The following MTCL1 variants were observed in gnomAD, a reference collection of about 807,000 sequenced individuals.
MTCL1 encodes microtubule cross-linking factor 1.
In MTCL1, 79 loss-of-function variants were observed where a neutral mutation model predicts 141.4. The ratio of observed to expected loss-of-function variants is 0.56; its 90% CI spans 0.47 to 0.67. The LOEUF is 0.67. Among genes scored for constraint, MTCL1 ranks in the 30% least tolerant of loss-of-function variants. MTCL1 has a pLI of 0.00. For synonymous variants in MTCL1, 914 were observed against 875.8 expected (o/e 1.04, Z -0.77); for missense variants, 2,177 against 2,113.9 (o/e 1.03, Z -0.59).
intron 4 of MTCL1, among the ~76,000 whole-genome samples, chr18:8,749,500 G>A (rs2096359297): frequency 6.6e-6 from 1 of 152,232 alleles, no homozygotes; most frequent in Non-Finnish European, 1.5e-5. Flanking sequence ...AAGGGAGAAT[G>A]ATATGGGCAG....
chr18:8,723,249 G>A (rs2096185097), intron 4 of MTCL1, among the ~76,000 whole-genome samples: 1 of 152,192 alleles, frequency 6.6e-6, no homozygotes, highest in African/African-American at 2.4e-5. Context: ...ATGATACAAG[G>A]TTCAAAGGTG....
At chr18:8,798,950 C>T (rs956972091) in intron 10 of MTCL1, among the ~76,000 whole-genome samples, 3 of 152,312 alleles carry the variant, frequency 2.0e-5, no homozygotes, top group Middle Eastern at 3.4e-3. Flanking sequence ...CCTGTGTTAA[C>T]GCTGTCTCGC....
exon 17 of MTCL1, chr18:8,831,867 A>G (rs1211545643): frequency 1.3e-6 from 2 of 1,523,756 alleles, no homozygotes; most frequent in Non-Finnish European, 1.8e-6. Flanking sequence ...ATCACCATGA[A>G]CAAAACTCTG....
At position 8,813,244 on chromosome 18, in the gene MTCL1, A is replaced by G; in HGVS notation, c.2859+11A>G. 6.2e-7 allele frequency: 1 copy of G among 1,608,210 alleles called. No homozygotes were observed. The highest frequency in any genetic ancestry group is 8.5e-7 in the Non-Finnish European group (1 of 1,177,340). On this transcript the variant is annotated intron_variant, in intron 12 of 16. Transcript: ENST00000359865. ...TGGAGGATAGAGCAGGTAAGGAGGCACCCCGGGGCCCTGGAGCATAGGCAC... is the reference window on the plus strand; with the variant it reads ...TGGAGGATAGAGCAGGTAAGGAGGCGCCCCGGGGCCCTGGAGCATAGGCAC...
chr18:8,734,755 C>T (rs943391034), intron 4 of MTCL1, among the ~76,000 whole-genome samples: 1 of 152,138 alleles, frequency 6.6e-6, no homozygotes, highest in African/African-American at 2.4e-5. Context: ...CCTGGCTGCA[C>T]GGTAGCATCC....
chr18:8,779,765 T>C lies in MTCL1; in HGVS notation c.417+1873T>C, dbSNP rs1417013660. Among the ~76,000 whole-genome samples, 6 of 152,322 alleles carry C rather than the reference T, an allele frequency of 3.9e-5. No individual in the cohort carries two copies. The highest frequency in any genetic ancestry group is 1.4e-4 in the African/African-American group (6 of 41,576). On this transcript the variant is annotated intron_variant, in intron 5 of 16. Coordinates refer to ENST00000359865, the Ensembl canonical transcript of MTCL1. This position sits in a 1 kb window ranked among gnomAD's most constrained non-coding sequence, Gnocchi z 4.1. ...TGCATGTGTGGTTGTTAAGTAGAAA[T>C]GACAGCATGCTGTCATGCTGACAGC...
intron 12 of MTCL1, among the ~76,000 whole-genome samples, chr18:8,817,288 G>A (rs1237959445): frequency 4.2e-5 from 5 of 119,618 alleles, no homozygotes; most frequent in African/African-American, 1.6e-4. Context: ...AAAGCAGTTA[G>A]CATCTTTAAG....
intron 4 of MTCL1, among the ~76,000 whole-genome samples, chr18:8,763,669 T>C (rs1034631560): frequency 6.6e-6 from 1 of 152,272 alleles, no homozygotes; most frequent in Non-Finnish European, 1.5e-5. Context: ...GATTTTAATA[T>C]GTTGACAAAA....
exon 6 of MTCL1, chr18:8,784,692 A>G: frequency 6.2e-7 from 1 of 1,614,214 alleles, no homozygotes; most frequent in East Asian, 2.2e-5. Context: ...AAAGAGCTGC[A>G]GGCCTTCCTG....
At chr18:8,825,068 G>A (rs763339217) in exon 15 of MTCL1, 6 of 1,612,560 alleles carry the variant, frequency 3.7e-6, no homozygotes, top group Admixed American at 1.7e-5. Flanking sequence ...TCCTCACCGA[G>A]CAGTCGGGGT....
chr18:8,751,059 A>G (rs1162382853), intron 4 of MTCL1, among the ~76,000 whole-genome samples: 1 of 152,210 alleles, frequency 6.6e-6, no homozygotes, highest in Admixed American at 6.5e-5. Context: ...GGCCCCCAGA[A>G]GGACCAGTGG....
chr18:8,770,720 A>G (rs1344989880), intron 4 of MTCL1, among the ~76,000 whole-genome samples: 2 of 152,206 alleles, frequency 1.3e-5, no homozygotes, highest in Non-Finnish European at 2.9e-5. Context: ...GGTGCCCAAC[A>G]CATATGGTAG....
chr18:8,798,292 G>T lies in MTCL1; in HGVS notation c.2436+1G>T. The T allele has an allele frequency of 6.6e-7, 1 of 1,523,728 alleles. No individual in the cohort carries two copies. Among genetic ancestry groups the T allele is most frequent in the Non-Finnish European group, 8.8e-7 (1 of 1,136,114 alleles). 94.4% of individuals were successfully genotyped at this position (1,523,728 alleles called of 1,614,324 possible). A position where few individuals can be genotyped will look rare whatever the true frequency, so the allele number is the denominator to read the frequency against. ...GGACAGGGGACAGCCCCACAAACAG[G>T]TGGGTACCTCGACCCGAGCCTGTCG... On this transcript the variant is annotated splice_donor_variant, in intron 10 of 16. Coordinates refer to ENST00000359865, the Ensembl canonical transcript of MTCL1. LOFTEE classifies it high-confidence loss of function.
rs143495943 is a variant in MTCL1 at position 8,792,151 on chromosome 18, A to T, written c.1888-847A>T. On this transcript the variant is annotated intron_variant, in intron 7 of 16. Transcript: ENST00000359865. ...ATTGCAACAATCTACTCTAATTCCC[A>T]GTTGTATAAATCACCTGTCTTCAAG... Among the ~76,000 whole-genome samples, 461 of 152,364 alleles carry T rather than the reference A, an allele frequency of 3.0e-3. 3 individuals are homozygous for T. Among genetic ancestry groups the T allele is most frequent in the Admixed American group, 0.022 (338 of 15,296 alleles).
At chr18:8,787,799 C>T (rs934430707) in intron 7 of MTCL1, among the ~76,000 whole-genome samples, 1 of 152,148 alleles carries the variant, frequency 6.6e-6, no homozygotes, top group Admixed American at 6.5e-5. Context: ...GCAAACACAT[C>T]CTATTTTATT....
rs200731814 is a variant in MTCL1 at position 8,706,970 on chromosome 18, T to TA, written c.1053+258dup. 4.8e-3 allele frequency: 2,520 copies of TA among 524,512 alleles called. 48 individuals carry two copies. The highest frequency in any genetic ancestry group is 0.048 in the Admixed American group (1,210 of 25,436). 32.5% of individuals were successfully genotyped at this position (524,512 alleles called of 1,614,324 possible). On this transcript the variant is annotated intron_variant, in intron 1 of 13. Transcript: ENST00000306329. ...TAGAACTCTTGCGTCTCTTCGCTGA[T>TA]ACTTTTACTTTTGTTGACCTGTTGG...
intron 4 of MTCL1, among the ~76,000 whole-genome samples, chr18:8,774,317 C>G (rs2096496719): frequency 6.6e-6 from 1 of 151,558 alleles, no homozygotes; most frequent in African/African-American, 2.4e-5. Flanking sequence ...ATCATGCTTA[C>G]AAAATGGTTT....
At chr18:8,759,528 G>A (rs924386270) in intron 4 of MTCL1, among the ~76,000 whole-genome samples, 4 of 152,094 alleles carry the variant, frequency 2.6e-5, no homozygotes, top group African/African-American at 4.8e-5. Flanking sequence ...TTTCCCAAGG[G>A]CACTCTGAGA....
chr18:8,760,678 A>G (rs1264376499), intron 4 of MTCL1, among the ~76,000 whole-genome samples: 2 of 151,518 alleles, frequency 1.3e-5, no homozygotes, highest in African/African-American at 4.9e-5. Flanking sequence ...TTTTCTTCCC[A>G]TATTTCCGTA....
Sources: allele counts gnomAD v4.1 joint callset (sites outside exome capture counted in the v4.1 genomes callset), GRCh38; gene constraint gnomAD v4.1.1; non-coding constraint Gnocchi (gnomAD v3.1); transcripts MANE v1.5; gene names NCBI Gene and HGNC (gene_info 2026-07-23, HGNC 2026-07-21).